PPAN: variants seen among roughly 807,000 people sequenced by gnomAD.
PPAN encodes the protein peter pan homolog.
PPAN carries 39 observed loss-of-function variants against 48.5 expected under a neutral mutation model. The observed-to-expected ratio is 0.80, with a 90% CI of 0.62 to 1.05. The LOEUF (loss-of-function observed/expected upper bound fraction) is 1.05, where lower values mean the gene tolerates loss of function less well. PPAN is among the 50% of genes least tolerant of loss of function. PPAN has a pLI of 0.00. For synonymous variants in PPAN, 315 were observed against 268.6 expected, an observed-to-expected ratio of 1.17 and a Z score of -1.69; for missense variants, 736 against 661.7, an observed-to-expected ratio of 1.11 and a Z score of -1.23.
chr19:10,111,266 C>T lies in PPAN; in HGVS notation c.*101C>T, dbSNP rs1192251047. ...TCATAAAGGAGTTGTGTCCCCAGCC[C>T]TTCCACTCCAGTAAAGAACTGAATT... is the stretch of plus-strand genomic sequence containing the variant. On this transcript the variant is annotated 3_prime_UTR_variant, in exon 12 of 12. Coordinates refer to ENST00000253107, the MANE Select transcript of PPAN (RefSeq NM_020230.7). 23 of 1,297,854 alleles carry T rather than the reference C, an allele frequency of 1.8e-5. No individual in the cohort carries two copies. The highest frequency in any genetic ancestry group is 4.5e-5 in the African/African-American group (3 of 66,854). The allele number at this position is 1,297,854 out of a possible 1,614,324, so 80.4% of individuals were successfully genotyped here.
Position 10,110,979 on chromosome 19 carries a change from C to A in PPAN, c.1236C>A (p.Ala412=), listed in dbSNP as rs1298425700. The change falls in exon 12 of 12, where the codon GCC becomes GCA. Residue 412 remains alanine, a synonymous_variant. Coordinates refer to ENST00000253107, the MANE Select transcript of PPAN (RefSeq NM_020230.7). This position sits in a 1 kb window ranked among gnomAD's most constrained non-coding sequence, Gnocchi z 5.9. ...CCGAGGCCAAGCAGAAACGGCTTGC[C>A]AAGTCTCCAGGGCGGAAGCGGAAGC... The part of the protein sequence containing the change: ...LFPEAKQKRL[A]KSPGRKRKRW... 2 of 1,613,158 alleles carry A rather than the reference C, an allele frequency of 1.2e-6. No homozygotes were observed. The highest frequency in any genetic ancestry group is 2.2e-5 in the East Asian group (1 of 44,834).
chr19:10,106,309 C>T (rs756229840), upstream of PPAN: 716 of 1,541,240 alleles, frequency 4.6e-4, 13 homozygotes, highest in South Asian at 6.7e-3. Flanking sequence ...TGTCGTCCCA[C>T]GCCGTGCCGG....
At position 10,110,138 on chromosome 19, in the gene PPAN, G is replaced by A. The variant is rs768331012; in HGVS notation, c.714G>A (p.Ser238=). The change falls in exon 8 of 12, where the codon TCG becomes TCA. Residue 238 remains serine, a synonymous_variant. Transcript: ENST00000253107. This position sits in a 1 kb window ranked among gnomAD's most constrained non-coding sequence, Gnocchi z 5.9. ...CTACACACAGGGGCGCGGGGCTGTCGGAGAGCGAGGCAGAGCCTGACGGCG... is the reference window on the plus strand; with the variant it reads ...CTACACACAGGGGCGCGGGGCTGTCAGAGAGCGAGGCAGAGCCTGACGGCG... The part of the protein sequence containing the change: ...SELLATGAGL[S]ESEAEPDGDH... 1.4e-5 allele frequency: 23 copies of A among 1,610,366 alleles called. No individual in the cohort carries two copies. The highest frequency in any genetic ancestry group is 3.3e-5 in the Admixed American group (2 of 59,992).
chr19:10,109,824 G>T, intron 6 of PPAN, 89 bp from the exon 7 acceptor site: 4 of 1,594,582 alleles, frequency 2.5e-6, no homozygotes, highest in Non-Finnish European at 3.4e-6. Context: ...TAAACGCCCT[G>T]ACGCACTGTG....
In PPAN at chr19:10,110,070, C is replaced by A. The variant is rs1225047887; in HGVS notation, c.698+50C>A. 3.1e-6 allele frequency: 5 copies of A among 1,610,588 alleles called. No individual in the cohort carries two copies. The African/African-American group carries it at 6.7e-5, about 21-fold the overall frequency. ...CCACTGCGGCCCGGGGACCCCAGAA[C>A]AGGACCGGGAGCCTGAGCTCCCCCA... On this transcript the variant is annotated intron_variant, in intron 7 of 11. Coordinates refer to ENST00000253107, the MANE Select transcript of PPAN (RefSeq NM_020230.7). The surrounding 1 kb of genome is among the most constrained non-coding windows in gnomAD (Gnocchi z 5.9).
rs759057734 is a variant in PPAN at position 10,110,497 on chromosome 19, A to G, written c.914A>G (p.Glu305Gly). The change falls in exon 10 of 12, where the codon GAG becomes GGG. Residue 305 changes from glutamate (E) to glycine (G), a missense_variant. Transcript: ENST00000253107. The surrounding 1 kb of genome is among the most constrained non-coding windows in gnomAD (Gnocchi z 5.9). Reference sequence around the variant, plus strand: ...TCTCTTGGCTCAGTGAGCAAGACGGAGGAGGAGCTGCAGGCCATCCTGGAA... The same window carrying G: ...TCTCTTGGCTCAGTGAGCAAGACGGGGGAGGAGCTGCAGGCCATCCTGGAA... The part of the protein sequence containing the change: ...VMFHSFVSKT[E>G]EELQAILEAK... 9 of 1,612,156 alleles carry G rather than the reference A, an allele frequency of 5.6e-6. No homozygotes were observed. Among genetic ancestry groups the G allele is most frequent in the South Asian group, 2.2e-5 (2 of 91,012 alleles).
intron 5 of PPAN, among the ~76,000 whole-genome samples, chr19:10,108,655 G>A (rs2145203004): frequency 6.6e-6 from 1 of 152,070 alleles, no homozygotes; most frequent in South Asian, 2.1e-4. Flanking sequence ...GGGAGGCTGA[G>A]GTGGGAGGAT....
Position 10,110,496 on chromosome 19 carries a change from GAGGAGGAGCTGC to G in PPAN, c.917_928del (p.Glu306_Gln309del), listed in dbSNP as rs1247957090. On this transcript the variant is annotated inframe_deletion, in exon 10 of 12. Transcript: ENST00000253107. The surrounding 1 kb of genome is among the most constrained non-coding windows in gnomAD (Gnocchi z 5.9). ...GTCTCTTGGCTCAGTGAGCAAGACG[GAGGAGGAGCTGC>G]AGGCCATCCTGGAAGCCAAGGAGAA... is the stretch of plus-strand genomic sequence containing the variant. 1.2e-6 allele frequency: 2 copies of G among 1,612,346 alleles called. No individual in the cohort carries two copies. The highest frequency in any genetic ancestry group is 2.7e-5 in the African/African-American group (2 of 74,892).
intron 5 of PPAN, among the ~76,000 whole-genome samples, chr19:10,109,421 G>A (rs1039549273): frequency 2.0e-5 from 3 of 152,012 alleles, no homozygotes; most frequent in Non-Finnish European, 4.4e-5. Flanking sequence ...ATGGAGACTC[G>A]CCGTGTTGCC....
Position 10,111,432 on chromosome 19 carries a change from C to A in PPAN, c.*267C>A. 1.6e-6 allele frequency: 1 copy of A among 628,356 alleles called. No homozygotes were observed. The highest frequency in any genetic ancestry group is 2.8e-6 in the Non-Finnish European group (1 of 363,058). The allele number at this position is 628,356 out of a possible 1,614,324, so 38.9% of individuals were successfully genotyped here. On this transcript the variant is annotated 3_prime_UTR_variant, in exon 12 of 12. Transcript: ENST00000253107. ...AGCTGGGTCTCTCCCCTACCCTGCA[C>A]GGGGTTGGTTTCATTGGTGGCAGCA...
rs752443433 is a variant in PPAN at position 10,111,096 on chromosome 19, G to A, written c.1353G>A (p.Gly451=). The change falls in exon 12 of 12, where the codon GGG becomes GGA. Residue 451 remains glycine (G), a synonymous_variant. Coordinates refer to ENST00000253107, the MANE Select transcript of PPAN (RefSeq NM_020230.7). ...CCCAGGGAGCCCAGGCCAGGCGGGG[G>A]CCCAGAGGGGCTTCCCGGGATGGTG... ...DKSQGAQARR[G]PRGASRDGGR... 4.3e-6 allele frequency: 7 copies of A among 1,612,204 alleles called. No homozygotes were observed. The highest frequency in any genetic ancestry group is 5.9e-6 in the Non-Finnish European group (7 of 1,179,492).
chr19:10,110,232 G>C lies in PPAN; in HGVS notation c.808G>C (p.Val270Leu). 1 of 1,611,560 alleles carries C rather than the reference G, an allele frequency of 6.2e-7. No individual in the cohort carries two copies. ...CAACATGCGGGCCCAGCAGAGTGCA[G>C]TGCGGCTCACCGAGGTGAGGCCCAG... ...RGNMRAQQSA[V>L]RLTEIGPRMT... Residue 270 changes from valine to leucine, a missense_variant, in exon 8 of 12, where the codon GTG (valine) becomes CTG (leucine). Val to Leu is a conservative substitution (Grantham distance 32, BLOSUM62 1). Transcript: ENST00000253107. This position sits in a 1 kb window ranked among gnomAD's most constrained non-coding sequence, Gnocchi z 5.9.
chr19:10,111,877 CGAG>C lies in PPAN; in HGVS notation c.*714_*716del, dbSNP rs2089092610. The C allele has an allele frequency of 2.0e-5, 20 of 982,580 alleles. No homozygotes were observed. The highest frequency in any genetic ancestry group is 4.4e-5 in the South Asian group (3 of 68,674). The allele number at this position is 982,580 out of a possible 1,614,324, so 60.9% of individuals were successfully genotyped here. On this transcript the variant is annotated 3_prime_UTR_variant, in exon 12 of 12. Transcript: ENST00000253107. Reference sequence around the variant, plus strand: ...CTGTAATCCCAGCACTTTGGGAGGTCGAGGGGGGTGGAACACGAGGTCAGGGGT... The same window carrying C: ...CTGTAATCCCAGCACTTTGGGAGGTCGGGGGTGGAACACGAGGTCAGGGGT...
In PPAN at chr19:10,106,822, G is replaced by A. The variant is rs1306839653; in HGVS notation, c.189+151G>A. The A allele has an allele frequency of 1.3e-5, 17 of 1,295,956 alleles. No homozygotes were observed. In the South Asian group the frequency reaches 2.5e-4, roughly 19 times the overall value. 80.3% of individuals were successfully genotyped at this position (1,295,956 alleles called of 1,614,324 possible). ...TGGGGAGCATCATTTCTGCCTTTCA[G>A]GGCTTTTGCTGGGCTGGAGTGAGGG... On this transcript the variant is annotated intron_variant, in intron 2 of 11. Coordinates refer to ENST00000253107, the MANE Select transcript of PPAN (RefSeq NM_020230.7).
rs769208423 is a variant in PPAN, at chr19:10,111,074, AGG to A, written c.1333_1334del (p.Gly445SerfsTer130). ...TTTCCCAAGACCAAGGACAAGTCCC[AGG>A]GAGCCCAGGCCAGGCGGGGGCCCAG... On this transcript the variant is annotated frameshift_variant, in exon 12 of 12. Coordinates refer to ENST00000253107, the MANE Select transcript of PPAN (RefSeq NM_020230.7). LOFTEE classifies it low-confidence loss of function (END_TRUNC). 1.1e-5 allele frequency: 17 copies of A among 1,613,322 alleles called. No individual in the cohort carries two copies. In the Admixed American group the frequency reaches 2.7e-4, roughly 25 times the overall value.
rs202051962 is a variant in PPAN, at chr19:10,111,137, G to T, written c.1394G>T (p.Arg465Leu). The change falls in exon 12 of 12, where the codon CGG becomes CTG. Residue 465 changes from arginine (R) to leucine (L), a missense_variant. Arg to Leu is a moderately radical substitution (Grantham distance 102, BLOSUM62 -2). Coordinates refer to ENST00000253107, the MANE Select transcript of PPAN (RefSeq NM_020230.7). ...ASRDGGRGRG[R>L]GRPGKRVA ...CGGGATGGTGGGCGAGGCCGGGGCC[G>T]GGGCCGCCCAGGGAAGAGAGTGGCC... 6.2e-7 allele frequency: 1 copy of T among 1,603,550 alleles called. No individual in the cohort carries two copies. Among genetic ancestry groups the T allele is most frequent in the Non-Finnish European group, 8.5e-7 (1 of 1,176,154 alleles).
chr19:10,108,324 G>T (rs988687046), intron 5 of PPAN, among the ~76,000 whole-genome samples, 190 bp downstream of exon 5: 1 of 152,132 alleles, frequency 6.6e-6, no homozygotes, highest in African/African-American at 2.4e-5. Context: ...TTCCCCCAGC[G>T]GTCCACACCC....
In PPAN at chr19:10,108,142, T is replaced by C; in HGVS notation, c.513+8T>C. On this transcript the variant is annotated splice_region_variant and intron_variant, in intron 5 of 11. Transcript: ENST00000253107. ...TCCATCAACGTGCACAAGGTGGGTC[T>C]GGCCTGGCGAGGTGGCAGGTATGGG... The C allele has an allele frequency of 6.2e-7, 1 of 1,603,356 alleles. No homozygotes were observed. Among genetic ancestry groups the C allele is most frequent in the South Asian group, 1.1e-5 (1 of 89,500 alleles).
rs1033073810 is a variant in PPAN, at chr19:10,106,622, G to A, written c.140G>A (p.Ser47Asn). ...ACGGGTCGCAACATCCGGCAGCTCA[G>A]CCTGGACGTGCGGCGGGTCATGGAG... The part of the protein sequence containing the change: ...GCTGRNIRQL[S>N]LDVRRVMEPL... Residue 47 changes from serine to asparagine, a missense_variant, in exon 2 of 12, where the codon AGC (serine) becomes AAC (asparagine). Coordinates refer to ENST00000253107, the MANE Select transcript of PPAN (RefSeq NM_020230.7). 4.5e-6 allele frequency: 7 copies of A among 1,549,524 alleles called. No homozygotes were observed. Among genetic ancestry groups the A allele is most frequent in the Non-Finnish European group, 6.1e-6 (7 of 1,147,468 alleles).
Sources: gnomAD v4.1 joint callset for allele counts (sites outside exome capture counted in the v4.1 genomes callset) on GRCh38, gnomAD v4.1.1 for gene constraint, Gnocchi (gnomAD v3.1) non-coding constraint, MANE v1.5 for transcripts, NCBI Gene and HGNC (gene_info 2026-07-23, HGNC 2026-07-21) for gene names.